Variants in SETBP1 observed in about 807,000 individuals in gnomAD.
SETBP1 encodes SET binding protein 1, also known as SET-binding protein.
In SETBP1, 9 loss-of-function variants were observed where a neutral mutation model predicts 101.0. The observed-to-expected ratio is 0.09, with a 90% confidence interval of 0.05 to 0.16. SETBP1 has a LOEUF of 0.16. Among genes scored for constraint, SETBP1 ranks in the 10% least tolerant of loss-of-function variants. SETBP1 has a pLI of 1.00. For missense variants in SETBP1, 1,858 were observed against 2,033.8 expected (o/e 0.91, Z 1.66); for synonymous variants, 818 against 788.5 (o/e 1.04, Z -0.63).
intron 2 of SETBP1, among the ~76,000 whole-genome samples, chr18:44,779,018 G>A (rs1034477319): frequency 7.9e-5 from 12 of 152,228 alleles, no homozygotes; most frequent in Admixed American, 6.5e-4. Context: ...GCAATGGTTG[G>A]AGCAGCCTCT....
chr18:44,719,389 G>A lies in SETBP1; in HGVS notation c.486+17557G>A, dbSNP rs78657139. Among the ~76,000 whole-genome samples, 778 of 152,248 alleles carry A rather than the reference G, an allele frequency of 5.1e-3. 10 individuals are homozygous for A. Among genetic ancestry groups the A allele is most frequent in the African/African-American group, 0.018 (748 of 41,546 alleles). ...AGGGGAGTGGTATGTGCGTATGGGC[G>A]GCACCAGGATTTCAAGGTCTGAAGG... is the stretch of plus-strand genomic sequence containing the variant. On this transcript the variant is annotated intron_variant, in intron 2 of 5. Transcript: ENST00000649279.
intron 3 of SETBP1, among the ~76,000 whole-genome samples, chr18:44,873,422 T>C (rs749681385): frequency 1.3e-5 from 2 of 152,206 alleles, no homozygotes; most frequent in Non-Finnish European, 2.9e-5. Flanking sequence ...AGTGAGGTAT[T>C]GTTTCTTCCA....
chr18:44,748,166 G>C (rs1435311105), intron 2 of SETBP1, among the ~76,000 whole-genome samples: 3 of 151,924 alleles, frequency 2.0e-5, no homozygotes, highest in African/African-American at 7.3e-5. Context: ...ATAGAAGAAA[G>C]GAAGGAAGGA....
chr18:44,934,748 A>C (rs2070921008), intron 3 of SETBP1, among the ~76,000 whole-genome samples: 1 of 152,178 alleles, frequency 6.6e-6, no homozygotes, highest in South Asian at 2.1e-4. Flanking sequence ...AACTTGCCCA[A>C]GGTCACACAG....
chr18:44,983,633 G>A (rs1337468102), intron 4 of SETBP1, among the ~76,000 whole-genome samples: 2 of 152,138 alleles, frequency 1.3e-5, no homozygotes, highest in Non-Finnish European at 2.9e-5. Context: ...TTTTCTTGCT[G>A]AGTAACACCA....
At chr18:45,022,129 C>A (rs1213779438) in intron 4 of SETBP1, among the ~76,000 whole-genome samples, 1 of 152,114 alleles carries the variant, frequency 6.6e-6, no homozygotes, top group Non-Finnish European at 1.5e-5. Flanking sequence ...GAGAACAAAC[C>A]ACCTCTTTTC....
chr18:44,877,075 C>G, intron 3 of SETBP1: 1 of 1,043,200 alleles, frequency 9.6e-7, no homozygotes, highest in Non-Finnish European at 1.2e-6. Flanking sequence ...GGCCTTTTTT[C>G]TAGCTTGCCT....
At chr18:44,823,723 G>A (rs187727399) in intron 2 of SETBP1, among the ~76,000 whole-genome samples, 7 of 152,310 alleles carry the variant, frequency 4.6e-5, no homozygotes, top group Middle Eastern at 3.4e-3. Flanking sequence ...AAGTGGCAAA[G>A]CAGTAGAAAG....
At chr18:44,849,194 G>A (rs1210520161) in intron 2 of SETBP1, among the ~76,000 whole-genome samples, 1 of 152,180 alleles carries the variant, frequency 6.6e-6, no homozygotes, top group Non-Finnish European at 1.5e-5. Flanking sequence ...CAACATATTA[G>A]TAAAATATCT....
intron 3 of SETBP1, among the ~76,000 whole-genome samples, chr18:44,893,752 A>G (rs1418511081): frequency 6.6e-6 from 1 of 152,206 alleles, no homozygotes; most frequent in Non-Finnish European, 1.5e-5. Context: ...ATCAAAAGAC[A>G]TCATACAGAG....
rs566775534 is a variant in SETBP1 at position 44,929,651 on chromosome 18, A to C, written c.541-20230A>C. Among the ~76,000 whole-genome samples, 840 of 152,272 alleles carry C rather than the reference A, an allele frequency of 5.5e-3. 4 individuals are homozygous for C. Among genetic ancestry groups the C allele is most frequent in the African/African-American group, 0.019 (782 of 41,558 alleles). On this transcript the variant is annotated intron_variant, in intron 3 of 5. Transcript: ENST00000649279. ...AGTTCTCCTTGAAGAGGTCCTTCAC[A>C]TCCCTTGTAAGTTGGATTCCTAGGT...
Position 44,950,303 on chromosome 18 carries a change from T to C in SETBP1, c.963T>C (p.Gly321=). 6.2e-7 allele frequency: 1 copy of C among 1,613,618 alleles called. No individual in the cohort carries two copies. Residue 321 remains glycine (G), a synonymous_variant, in exon 4 of 6, where the codon GGT becomes GGC. Coordinates refer to ENST00000649279, the MANE Select transcript of SETBP1 (RefSeq NM_015559.3). ...CCTTGGTGGATCAAGATGGAGGAGG[T>C]ACAAAGGAGCCCCCAGAACCACCTA... is the stretch of plus-strand genomic sequence containing the variant. ...LQPLVDQDGG[G]TKEPPEPPTV...
chr18:45,044,909 C>G (rs1202844571), intron 5 of SETBP1, among the ~76,000 whole-genome samples: 4 of 152,158 alleles, frequency 2.6e-5, no homozygotes, highest in African/African-American at 9.7e-5. Context: ...GCAATAAAAT[C>G]ATAACCTCGT....
At chr18:44,869,170 T>C (rs2069210324) in intron 2 of SETBP1, 60 bp from the exon 3 acceptor site, 2 of 1,458,290 alleles carry the variant, frequency 1.4e-6, no homozygotes, top group Non-Finnish European at 1.9e-6. Flanking sequence ...TCAGTTGTCG[T>C]GGGGATACTG....
At chr18:44,936,412 C>T (rs2070958465) in intron 3 of SETBP1, among the ~76,000 whole-genome samples, 1 of 152,244 alleles carries the variant, frequency 6.6e-6, no homozygotes, top group Non-Finnish European at 1.5e-5. Context: ...AAGTGGTCAC[C>T]TTGCAGCTCC....
At chr18:44,945,647 T>C (rs1199915111) in intron 3 of SETBP1, among the ~76,000 whole-genome samples, 1 of 152,206 alleles carries the variant, frequency 6.6e-6, no homozygotes, top group Non-Finnish European at 1.5e-5. Flanking sequence ...CCACCAGAAC[T>C]GTGTGCCCAA....
At chr18:44,956,827 A>T (rs757650604) in intron 4 of SETBP1, among the ~76,000 whole-genome samples, 56 of 152,266 alleles carry the variant, frequency 3.7e-4, no homozygotes, top group Admixed American at 1.8e-3. Flanking sequence ...TTGCTTGGAA[A>T]ATCTTTCATT....
chr18:44,898,614 C>T (rs2069963716), intron 3 of SETBP1, among the ~76,000 whole-genome samples: 1 of 152,104 alleles, frequency 6.6e-6, no homozygotes, highest in African/African-American at 2.4e-5. Flanking sequence ...GATTTTCTCT[C>T]CCTTCTCCCA....
At chr18:44,846,540 T>C (rs138951170) in intron 2 of SETBP1, among the ~76,000 whole-genome samples, 1 of 152,322 alleles carries the variant, frequency 6.6e-6, no homozygotes, top group African/African-American at 2.4e-5. Context: ...TTTGAATCTG[T>C]GAATTGAAAT....
Sources: allele counts gnomAD v4.1 joint callset (sites outside exome capture counted in the v4.1 genomes callset), GRCh38; gene constraint gnomAD v4.1.1; transcripts MANE v1.5; gene names NCBI Gene and HGNC (gene_info 2026-07-23, HGNC 2026-07-21).